Variants in ANKRD18A observed in about 807,000 individuals in gnomAD.
ANKRD18A encodes ankyrin repeat domain 18A.
ANKRD18A carries 72 observed loss-of-function variants against 110.6 expected under a neutral mutation model. That is an observed-to-expected ratio of 0.65 (90% CI 0.54 to 0.79). ANKRD18A has a LOEUF of 0.79. ANKRD18A is among the 30% of genes least tolerant of loss of function. ANKRD18A has a pLI of 0.00. For missense variants in ANKRD18A, 934 were observed against 1,163.3 expected, an observed-to-expected ratio of 0.80 and a Z score of 2.87; for synonymous variants, 305 against 410.3, an observed-to-expected ratio of 0.74 and a Z score of 3.10.
chr9:38,571,879 TTTATA>T lies in ANKRD18A; in HGVS notation c.*161_*165del, dbSNP rs1823659725. On this transcript the variant is annotated 3_prime_UTR_variant, in exon 16 of 16. Transcript: ENST00000399703. ...TCTACTTTAGTAAAGATTATGATGT[TTTATA>T]TTATATGAGAAACAATTAAAATTTC... The T allele has an allele frequency of 1.5e-6, 2 of 1,350,114 alleles. No homozygotes were observed. The highest frequency in any genetic ancestry group is 1.9e-6 in the Non-Finnish European group (2 of 1,042,002). 83.6% of individuals were successfully genotyped at this position (1,350,114 alleles called of 1,614,324 possible). A position where few individuals can be genotyped will look rare whatever the true frequency, so the allele number is the denominator to read the frequency against.
At chr9:38,567,414 AC>A (rs761774454), downstream of ANKRD18A, 4 of 152,246 alleles carry the variant, frequency 2.6e-5, no homozygotes, top group Non-Finnish European at 4.4e-5. Flanking sequence ...TTCCTGGGTG[AC>A]CTTTTGAAAA....
Position 38,603,206 on chromosome 9 carries a change from G to T in ANKRD18A, c.815C>A (p.Ala272Glu). Residue 272 changes from alanine to glutamate, a missense_variant, in exon 7 of 16, where the codon GCA becomes GAA. Transcript: ENST00000399703. Reference sequence around the variant, plus strand: ...TTTCAAATTTGCAGGCTTCATAGCTGCTGTTTCTGTCAAACATGCAAACTT... The same window carrying T: ...TTTCAAATTTGCAGGCTTCATAGCTTCTGTTTCTGTCAAACATGCAAACTT... ...NHLRNDNQET[A>E]AMKPANLKKR... 6.4e-7 allele frequency: 1 copy of T among 1,550,950 alleles called. No homozygotes were observed. Among genetic ancestry groups the T allele is most frequent in the Non-Finnish European group, 8.7e-7 (1 of 1,146,558 alleles).
At chr9:38,579,465 A>G (rs1165365269) in intron 12 of ANKRD18A, among the ~76,000 whole-genome samples, 4 of 152,252 alleles carry the variant, frequency 2.6e-5, no homozygotes, top group African/African-American at 9.6e-5. Context: ...ACACCCTGAC[A>G]GTAAACAAAA....
Position 38,620,175 on chromosome 9 carries a change from C to G in ANKRD18A, c.111G>C (p.Lys37Asn). ...GYDIRDWELR[K>N]IHRAAIKGDA... ...CGCCCTTGATGGCAGCCCTGTGGAT[C>G]TTCCGCAGTTCCCAGTCCCGAATGT... Residue 37 changes from lysine (K) to asparagine (N), a missense_variant, in exon 1 of 16, where the codon AAG (lysine) becomes AAC (asparagine). By Grantham distance (94) the Lys-to-Asn change is moderately conservative. Coordinates refer to ENST00000399703, the MANE Select transcript of ANKRD18A (RefSeq NM_147195.4). The G allele has an allele frequency of 6.4e-7, 1 of 1,565,500 alleles. No individual in the cohort carries two copies. The highest frequency in any genetic ancestry group is 8.7e-7 in the Non-Finnish European group (1 of 1,154,964).
At chr9:38,612,969 G>T (rs959505405) in intron 3 of ANKRD18A, among the ~76,000 whole-genome samples, 5 of 151,494 alleles carry the variant, frequency 3.3e-5, no homozygotes, top group African/African-American at 1.2e-4. Flanking sequence ...TAAAAAAAGA[G>T]TTAAAAAAAC....
rs1825607378 is a variant in ANKRD18A at position 38,611,237 on chromosome 9, G to A, written c.580C>T (p.His194Tyr). The change falls in exon 4 of 16, where the codon CAT becomes TAT. Residue 194 changes from histidine (H) to tyrosine (Y), a missense_variant. By Grantham distance (83) the His-to-Tyr change is moderately conservative (BLOSUM62 2). This residue lies in a region of ANKRD18A where 630 missense variants were observed against 797.5 expected (regional missense o/e 0.79). Coordinates refer to ENST00000399703, the MANE Select transcript of ANKRD18A (RefSeq NM_147195.4). ...CACCTTTTGAAATTGTCAACGGCAT[G>A]TATATTTGCCTGGTTCTTCAATAAA... ...EFLLKNQANIHAVDNFKRTAL... is the reference protein window; with the variant it reads ...EFLLKNQANIYAVDNFKRTAL... 1 of 1,525,264 alleles carries A rather than the reference G, an allele frequency of 6.6e-7. No homozygotes were observed. Among genetic ancestry groups the A allele is most frequent in the Non-Finnish European group, 8.8e-7 (1 of 1,139,964 alleles). 94.5% of individuals were successfully genotyped at this position (1,525,264 alleles called of 1,614,324 possible). A position where few individuals can be genotyped will look rare whatever the true frequency, so the allele number is the denominator to read the frequency against.
Position 38,577,056 on chromosome 9 carries a change from A to G in ANKRD18A, c.2738T>C (p.Met913Thr). 6.5e-7 allele frequency: 1 copy of G among 1,544,534 alleles called. No homozygotes were observed. Among genetic ancestry groups the G allele is most frequent in the Non-Finnish European group, 8.7e-7 (1 of 1,145,270 alleles). ...KANNSMSKKL[M>T]KSDKKIAVIS... ...ATGAGTGTATGTTTTGACTTACTTCATTAATTTTTTTGACATGGAATTGTT... is the reference window on the plus strand; with the variant it reads ...ATGAGTGTATGTTTTGACTTACTTCGTTAATTTTTTTGACATGGAATTGTT... Residue 913 changes from methionine to threonine, a missense_variant, in exon 14 of 16, where the codon ATG (methionine) becomes ACG (threonine). By Grantham distance (81) the Met-to-Thr change is moderately conservative. Coordinates refer to ENST00000399703, the MANE Select transcript of ANKRD18A (RefSeq NM_147195.4).
intron 9 of ANKRD18A, among the ~76,000 whole-genome samples, chr9:38,594,900 G>A (rs1317413676): frequency 1.3e-5 from 2 of 152,110 alleles, no homozygotes; most frequent in African/African-American, 2.4e-5. Flanking sequence ...ACATGAAGAC[G>A]TTACATTTCT....
chr9:38,571,502 G>T lies in ANKRD18A; in HGVS notation c.*543C>A, dbSNP rs188499434. ...AATGCTAAATCTAGTGGGTTTTGAG[G>T]AGTAACCAGATATTTACAGAGCTTC... On this transcript the variant is annotated 3_prime_UTR_variant, in exon 16 of 16. Transcript: ENST00000399703. 1.3e-6 allele frequency: 1 copy of T among 773,814 alleles called. No homozygotes were observed. The highest frequency in any genetic ancestry group is 1.6e-6 in the Non-Finnish European group (1 of 617,226). The allele number at this position is 773,814 out of a possible 1,614,324, so 47.9% of individuals were successfully genotyped here. A position where few individuals can be genotyped will look rare whatever the true frequency, so the allele number is the denominator to read the frequency against.
At chr9:38,573,388 C>T (rs987656461) in intron 15 of ANKRD18A, among the ~76,000 whole-genome samples, 2 of 152,086 alleles carry the variant, frequency 1.3e-5, no homozygotes, top group African/African-American at 4.8e-5. Flanking sequence ...ATTGGATATA[C>T]ATAATTTTAG....
At chr9:38,607,535 A>G (rs899261470) in intron 5 of ANKRD18A, 42 bp from the exon 6 acceptor site, 1 of 1,271,602 alleles carries the variant, frequency 7.9e-7, no homozygotes, top group African/African-American at 1.6e-5. Context: ...TTTAATAGTG[A>G]TATGAAAAAT....
chr9:38,618,980 C>T (rs533825599), intron 1 of ANKRD18A, among the ~76,000 whole-genome samples: 2 of 149,698 alleles, frequency 1.3e-5, no homozygotes, highest in South Asian at 4.2e-4. Context: ...TGAAGATACA[C>T]TTTTCATCTG....
At chr9:38,609,623 T>C (rs1202906644) in intron 5 of ANKRD18A, among the ~76,000 whole-genome samples, 1 of 151,968 alleles carries the variant, frequency 6.6e-6, no homozygotes, top group Non-Finnish European at 1.5e-5. Context: ...CCAGTTACAA[T>C]GGCAGCAATA....
At chr9:38,569,178 G>C (rs1296228568), downstream of ANKRD18A, 23 of 984,554 alleles carry the variant, frequency 2.3e-5, no homozygotes, top group Non-Finnish European at 2.8e-5. Context: ...GACTGGGCCT[G>C]GTGACAGGGC....
chr9:38,584,950 A>C (rs1013765411), intron 12 of ANKRD18A, among the ~76,000 whole-genome samples: 16 of 152,300 alleles, frequency 1.1e-4, no homozygotes, highest in African/African-American at 3.8e-4. Context: ...CAGAGAGAAG[A>C]AGCTGAAAAA....
At chr9:38,582,587 TG>T (rs1404493949) in intron 12 of ANKRD18A, among the ~76,000 whole-genome samples, 1 of 152,110 alleles carries the variant, frequency 6.6e-6, no homozygotes, top group Non-Finnish European at 1.5e-5. Flanking sequence ...AAAAACAGAA[TG>T]GGAAAAAATA....
intron 1 of ANKRD18A, among the ~76,000 whole-genome samples, chr9:38,619,731 C>A (rs981886521): frequency 1.1e-4 from 16 of 152,146 alleles, no homozygotes; most frequent in African/African-American, 3.4e-4. Context: ...TAGGTGGATT[C>A]GGATGTAAAA....
intron 12 of ANKRD18A, among the ~76,000 whole-genome samples, chr9:38,579,705 T>G (rs1824068694): frequency 6.6e-6 from 1 of 152,186 alleles, no homozygotes; most frequent in Non-Finnish European, 1.5e-5. Context: ...CAGAGAACAG[T>G]AAACTCTTAC....
rs1181178274 is a variant in ANKRD18A, at chr9:38,615,982, C to T, written c.269G>A (p.Arg90Lys). Residue 90 changes from arginine to lysine, a missense_variant, in exon 2 of 16, where the codon AGA becomes AAA. Around this residue, in one of 4 missense-constraint regions of ANKRD18A, gnomAD observed 630 missense variants for 797.5 expected, o/e 0.79. Coordinates refer to ENST00000399703, the MANE Select transcript of ANKRD18A (RefSeq NM_147195.4). ...RVQVVTLLLH[R>K]RCQIDICDRL... is the part of the protein sequence containing the mutation. ...GTCACAGATGTCGATCTGGCATCTT[C>T]TGTGCAGCAAGAGAGTGACCACTTG... 6 of 1,592,492 alleles carry T rather than the reference C, an allele frequency of 3.8e-6. No homozygotes were observed. Among genetic ancestry groups the T allele is most frequent in the Non-Finnish European group, 5.1e-6 (6 of 1,168,552 alleles).
Sources: gnomAD v4.1 joint callset for allele counts (sites outside exome capture counted in the v4.1 genomes callset) on GRCh38, gnomAD v4.1.1 for gene constraint, gnomAD v4.1.1 regional missense constraint, MANE v1.5 for transcripts, NCBI Gene and HGNC (gene_info 2026-07-23, HGNC 2026-07-21) for gene names.